The following ERC2 variants were observed in gnomAD, a reference collection of about 807,000 sequenced individuals.
The protein encoded by ERC2 is ELKS/RAB6-interacting/CAST family member 2, also known as ERC protein 2.
A neutral mutation model predicts 114.8 loss-of-function variants in ERC2; 42 were observed. The ratio of observed to expected loss-of-function variants is 0.37; its 90% CI spans 0.29 to 0.47. The LOEUF (loss-of-function observed/expected upper bound fraction) is 0.47. Among genes scored for constraint, ERC2 ranks in the 20% least tolerant of loss-of-function variants. The pLI is 0.99. For missense variants in ERC2, 939 were observed against 1,150.7 expected, an observed-to-expected ratio of 0.82 and a Z score of 2.66; for synonymous variants, 454 against 425.5, an observed-to-expected ratio of 1.07 and a Z score of -0.82.
At chr3:55,896,992 A>G (rs564860986) in intron 13 of ERC2, among the ~76,000 whole-genome samples, 48 of 152,382 alleles carry the variant, frequency 3.1e-4, no homozygotes, top group African/African-American at 1.1e-3. Context: ...GTTCACTTTC[A>G]GAATAATGAA....
intron 15 of ERC2, among the ~76,000 whole-genome samples, chr3:55,711,499 G>A (rs2063775888): frequency 6.6e-6 from 1 of 152,150 alleles, no homozygotes; most frequent in Admixed American, 6.5e-5. Flanking sequence ...AACATAGAGA[G>A]CTTCCTCATC....
chr3:56,427,974 G>T (rs147086360), intron 2 of ERC2, among the ~76,000 whole-genome samples: 10 of 152,102 alleles, frequency 6.6e-5, no homozygotes, highest in Non-Finnish European at 1.3e-4. Context: ...CAGAAAATCC[G>T]TTTTGAAAAG....
intron 17 of ERC2, among the ~76,000 whole-genome samples, chr3:55,604,120 C>T (rs1559728251): frequency 6.6e-6 from 1 of 152,046 alleles, no homozygotes; most frequent in Non-Finnish European, 1.5e-5. Flanking sequence ...TCAACAAATC[C>T]TTTCAGACTT....
chr3:55,795,033 A>C (rs935792152), intron 14 of ERC2, among the ~76,000 whole-genome samples: 1 of 152,244 alleles, frequency 6.6e-6, no homozygotes, highest in Non-Finnish European at 1.5e-5. Context: ...AGCCTGTTAC[A>C]TTAGCCAGCT....
chr3:56,280,729 AC>A (rs1339750614), intron 3 of ERC2, among the ~76,000 whole-genome samples: 4 of 152,212 alleles, frequency 2.6e-5, no homozygotes, highest in Admixed American at 6.5e-5. Context: ...CTTCAGGAGT[AC>A]TACTGTTACT....
At chr3:55,948,739 A>G (rs542259067) in intron 13 of ERC2, among the ~76,000 whole-genome samples, 43 of 152,340 alleles carry the variant, frequency 2.8e-4, no homozygotes, top group African/African-American at 9.4e-4. Flanking sequence ...TTCCATAACT[A>G]TATGTGTCCT....
At chr3:56,463,674 T>C (rs1056820257) in intron 1 of ERC2, among the ~76,000 whole-genome samples, 7 of 152,244 alleles carry the variant, frequency 4.6e-5, no homozygotes, top group African/African-American at 1.7e-4. Context: ...TAATTATTAT[T>C]GTTGTTGTAA....
At position 55,643,709 on chromosome 3, in the gene ERC2, C is replaced by T. The variant is rs149078512; in HGVS notation, c.*39+40085G>A. Reference sequence around the variant, plus strand: ...TTATTATTTTCTCATTATTTTTAAACATATGTATTACTGAACAAGCATACC... The same window carrying T: ...TTATTATTTTCTCATTATTTTTAAATATATGTATTACTGAACAAGCATACC... On this transcript the variant is annotated intron_variant, in intron 17 of 17. Transcript: ENST00000288221. Among the ~76,000 whole-genome samples, 615 of 152,206 alleles carry T rather than the reference C, an allele frequency of 4.0e-3. 5 individuals carry two copies. The highest frequency in any genetic ancestry group is 0.014 in the African/African-American group (589 of 41,518).
rs146517373 is a variant in ERC2, at chr3:56,460,496, C to A, written c.-141+7752G>T. Among the ~76,000 whole-genome samples, 485 of 152,280 alleles carry A rather than the reference C, an allele frequency of 3.2e-3. 5 individuals carry two copies. Among genetic ancestry groups the A allele is most frequent in the African/African-American group, 0.011 (469 of 41,558 alleles). On this transcript the variant is annotated intron_variant, in intron 1 of 17. Coordinates refer to ENST00000288221, the MANE Select transcript of ERC2 (RefSeq NM_015576.3). ...TATCAAATTATTTGAGTCTCAGTTT[C>A]CTCACCTATAAAATGGGATAATACA...
At chr3:55,777,287 A>G (rs1575571764) in intron 14 of ERC2, among the ~76,000 whole-genome samples, 1 of 152,040 alleles carries the variant, frequency 6.6e-6, no homozygotes, top group South Asian at 2.1e-4. Flanking sequence ...ACCTGCAGAA[A>G]GCAGAAGTGT....
intron 2 of ERC2, among the ~76,000 whole-genome samples, chr3:56,376,575 C>CA: frequency 6.6e-6 from 1 of 151,864 alleles, no homozygotes; most frequent in African/African-American, 2.4e-5. Context: ...CCAGCCTGAC[C>CA]AACATGGTGA....
intron 2 of ERC2, among the ~76,000 whole-genome samples, chr3:56,326,506 A>T (rs748404157): frequency 2.0e-5 from 3 of 152,220 alleles, no homozygotes; most frequent in Non-Finnish European, 4.4e-5. Flanking sequence ...TGTCCAACAG[A>T]ACCCTCTCTA....
At chr3:56,327,300 G>A (rs2057406653) in intron 2 of ERC2, among the ~76,000 whole-genome samples, 1 of 152,186 alleles carries the variant, frequency 6.6e-6, no homozygotes, top group African/African-American at 2.4e-5. Context: ...GAGAATTAAT[G>A]CAGAAGGAAC....
At chr3:56,339,037 C>T (rs1306708569) in intron 2 of ERC2, among the ~76,000 whole-genome samples, 2 of 152,176 alleles carry the variant, frequency 1.3e-5, no homozygotes, top group African/African-American at 4.8e-5. Flanking sequence ...GTCCCCAGTT[C>T]CACCTCTGAT....
At chr3:56,400,669 T>C (rs1576772203) in intron 2 of ERC2, among the ~76,000 whole-genome samples, 1 of 152,280 alleles carries the variant, frequency 6.6e-6, no homozygotes, top group Admixed American at 6.5e-5. Context: ...CAAGACCTTT[T>C]TTCTAAAAAC....
At chr3:56,011,548 T>G (rs1476529493) in intron 8 of ERC2, among the ~76,000 whole-genome samples, 1 of 152,066 alleles carries the variant, frequency 6.6e-6, no homozygotes, top group East Asian at 1.9e-4. Context: ...AAAACACTGC[T>G]TTGTAGACTT....
At chr3:56,041,778 T>A (rs2075206109) in intron 7 of ERC2, among the ~76,000 whole-genome samples, 1 of 152,146 alleles carries the variant, frequency 6.6e-6, no homozygotes, top group South Asian at 2.1e-4. Context: ...CCCTAGCCAA[T>A]CCACTTTCTT....
intron 3 of ERC2, among the ~76,000 whole-genome samples, chr3:56,191,564 T>G (rs973037305): frequency 5.3e-5 from 8 of 152,124 alleles, no homozygotes; most frequent in Non-Finnish European, 4.4e-5. Flanking sequence ...TGAAGTGACT[T>G]GCCTAAGTGC....
intron 14 of ERC2, among the ~76,000 whole-genome samples, chr3:55,802,655 T>C (rs1406664243): frequency 6.6e-6 from 1 of 152,180 alleles, no homozygotes; most frequent in African/African-American, 2.4e-5. Flanking sequence ...TGTCCTATAT[T>C]GAAATACTCA....
Sources: gnomAD v4.1 joint callset for allele counts (sites outside exome capture counted in the v4.1 genomes callset) on GRCh38, gnomAD v4.1.1 for gene constraint, MANE v1.5 for transcripts, NCBI Gene and HGNC (gene_info 2026-07-23, HGNC 2026-07-21) for gene names.